The following VPS35 variants were observed in gnomAD, a reference collection of about 807,000 sequenced individuals.
VPS35 encodes the protein vacuolar protein sorting-associated protein 35.
Under a neutral mutation model 98.1 loss-of-function variants are expected in VPS35, and 21 were observed. The observed-to-expected ratio is 0.21, with a 90% CI of 0.15 to 0.31. The LOEUF is 0.31. VPS35 is among the 10% of genes least tolerant of loss of function. VPS35 has a pLI of 1.00. For synonymous variants in VPS35, 268 were observed against 318.2 expected (o/e 0.84, Z 1.68); for missense variants, 554 against 950.8 (o/e 0.58, Z 5.49).
chr16:46,685,840 A>AT (rs1314970882), intron 1 of VPS35, among the ~76,000 whole-genome samples: 2 of 152,054 alleles, frequency 1.3e-5, no homozygotes, highest in Non-Finnish European at 2.9e-5. Flanking sequence ...ATACATCTGA[A>AT]TTTTTTTTAT....
intron 13 of VPS35, among the ~76,000 whole-genome samples, chr16:46,665,955 G>A (rs916229356): frequency 6.6e-6 from 1 of 151,880 alleles, no homozygotes; most frequent in Non-Finnish European, 1.5e-5. Flanking sequence ...CCAGGCTGGA[G>A]TGCAGTGGCG....
intron 8 of VPS35, 104 bp from the exon 9 acceptor site, chr16:46,674,764 A>T (rs1199899214): frequency 1.8e-6 from 2 of 1,102,382 alleles, no homozygotes; most frequent in African/African-American, 3.2e-5. Context: ...ATTTTGTATG[A>T]GCCCAAAAGG....
intron 1 of VPS35, among the ~76,000 whole-genome samples, chr16:46,685,357 C>G (rs1286715816): frequency 6.6e-6 from 1 of 152,122 alleles, no homozygotes; most frequent in Admixed American, 6.5e-5. Context: ...ACATAAAACC[C>G]ACTTCTGAAC....
chr16:46,662,621 A>G lies in VPS35; in HGVS notation c.1828-139T>C, dbSNP rs1216680862. On this transcript the variant is annotated intron_variant, in intron 14 of 16. Coordinates refer to ENST00000299138, the MANE Select transcript of VPS35 (RefSeq NM_018206.6). ...TCAGAACATGCTGCACCCTCTCTTG[A>G]GAGCCACAGGACACAACTGAGATGG... 5.9e-6 allele frequency: 8 copies of G among 1,363,386 alleles called. No homozygotes were observed. The East Asian group carries it at 1.8e-4, about 31-fold the overall frequency. The allele number at this position is 1,363,386 out of a possible 1,614,324, so 84.5% of individuals were successfully genotyped here. A position where few individuals can be genotyped will look rare whatever the true frequency, so the allele number is the denominator to read the frequency against.
chr16:46,687,816 T>C (rs181203724), intron 1 of VPS35, among the ~76,000 whole-genome samples: 12 of 152,238 alleles, frequency 7.9e-5, no homozygotes, highest in Admixed American at 2.0e-4. Flanking sequence ...GCCTAAATTA[T>C]AGACAGTGAC....
rs138933318 is a variant in VPS35, at chr16:46,670,585, G to A, written c.1524+1120C>T. Among the ~76,000 whole-genome samples the A allele has an allele frequency of 2.9e-3, 439 of 152,072 alleles. 2 individuals are homozygous for A. The highest frequency in any genetic ancestry group is 9.9e-3 in the African/African-American group (411 of 41,510). ...TAGATGCGAGCCACCATGCCCCGCC[G>A]GAAGGAATAGTTTCTAACTACTATA... is the stretch of plus-strand genomic sequence containing the variant. On this transcript the variant is annotated intron_variant, in intron 12 of 16. Coordinates refer to ENST00000299138, the MANE Select transcript of VPS35 (RefSeq NM_018206.6).
chr16:46,670,736 C>A (rs1198383221), intron 12 of VPS35, among the ~76,000 whole-genome samples: 3 of 152,168 alleles, frequency 2.0e-5, no homozygotes, highest in African/African-American at 7.2e-5. Context: ...GAGCACAATA[C>A]CACAGTCCTG....
intron 13 of VPS35, among the ~76,000 whole-genome samples, chr16:46,664,174 A>G (rs1461442155): frequency 6.6e-6 from 1 of 151,938 alleles, no homozygotes; most frequent in Non-Finnish European, 1.5e-5. Flanking sequence ...ATGTAACTGT[A>G]ATATAACTGG....
intron 2 of VPS35, 98 bp from the exon 3 acceptor site, chr16:46,682,273 T>A: frequency 1.1e-6 from 1 of 922,738 alleles, no homozygotes; most frequent in South Asian, 1.4e-5. Context: ...GTTACATAGT[T>A]TTAAAAGAAT....
rs766068727 is a variant in VPS35 at position 46,676,732 on chromosome 16, G to A, written c.805-40C>T. 4.3e-5 allele frequency: 60 copies of A among 1,401,288 alleles called. 1 individual carries two copies. Among genetic ancestry groups the A allele is most frequent in the Middle Eastern group, 3.5e-4 (2 of 5,714 alleles). 86.8% of individuals were successfully genotyped at this position (1,401,288 alleles called of 1,614,324 possible). On this transcript the variant is annotated intron_variant, in intron 7 of 16. Transcript: ENST00000299138. ...ATCAATACAAATAAAAGTATTTCACGTAATATTCTGGACTCACATATGGTA... is the reference window on the plus strand; with the variant it reads ...ATCAATACAAATAAAAGTATTTCACATAATATTCTGGACTCACATATGGTA...
At chr16:46,674,244 A>G (rs2143007709) in intron 10 of VPS35, 70 bp downstream of exon 10, 2 of 1,551,854 alleles carry the variant, frequency 1.3e-6, no homozygotes, top group East Asian at 4.5e-5. Context: ...TCAAAAAACA[A>G]TTGAGAAAGA....
chr16:46,668,272 G>T (rs1269283454), intron 13 of VPS35, among the ~76,000 whole-genome samples: 1 of 152,172 alleles, frequency 6.6e-6, no homozygotes. Context: ...GTGCACACCT[G>T]TAATCCCAGC....
intron 13 of VPS35, among the ~76,000 whole-genome samples, chr16:46,666,347 C>T (rs960884247): frequency 7.9e-5 from 12 of 151,580 alleles, no homozygotes; most frequent in Non-Finnish European, 1.8e-4. Flanking sequence ...CGGCTCACCA[C>T]AACCTCTGCG....
intron 6 of VPS35, 108 bp downstream of exon 6, chr16:46,678,835 T>C: frequency 8.7e-7 from 1 of 1,150,500 alleles, no homozygotes; most frequent in Non-Finnish European, 1.2e-6. Flanking sequence ...TAACAGCCAT[T>C]TTAAGATGTT....
rs539664511 is a variant in VPS35 at position 46,661,674 on chromosome 16, G to A, written c.2211+44C>T. 3.9e-6 allele frequency: 6 copies of A among 1,545,798 alleles called. No individual in the cohort carries two copies. In the Admixed American group the frequency reaches 6.7e-5, roughly 17 times the overall value. ...ATATCAAATCTCCTAAGAGTAGGAAGGGAAAATATTAGTTTATTAACAACA... is the reference window on the plus strand; with the variant it reads ...ATATCAAATCTCCTAAGAGTAGGAAAGGAAAATATTAGTTTATTAACAACA... On this transcript the variant is annotated intron_variant, in intron 16 of 16. Transcript: ENST00000299138. The surrounding 1 kb of genome is among the most constrained non-coding windows in gnomAD (Gnocchi z 4.3).
intron 1 of VPS35, among the ~76,000 whole-genome samples, chr16:46,686,101 CT>C (rs1966308605): frequency 6.6e-6 from 1 of 152,112 alleles, no homozygotes; most frequent in Admixed American, 6.5e-5. Flanking sequence ...AGTTTGACTA[CT>C]CTATATACTT....
chr16:46,677,302 T>C lies in VPS35; in HGVS notation c.804+13A>G, dbSNP rs1389987905. The C allele has an allele frequency of 2.7e-5, 44 of 1,610,074 alleles. No individual in the cohort carries two copies. The highest frequency in any genetic ancestry group is 3.3e-5 in the Non-Finnish European group (39 of 1,176,794). ...ATAGGTCGTTTAAAAAAAAATGAAA[T>C]GTTCCCAGCTACCTGAATAATACAC... On this transcript the variant is annotated intron_variant, in intron 7 of 16. Transcript: ENST00000299138.
chr16:46,689,081 G>A (rs765926512), intron 1 of VPS35, 50 bp downstream of exon 1: 3 of 1,597,682 alleles, frequency 1.9e-6, no homozygotes, highest in Non-Finnish European at 2.6e-6. Context: ...GGAGAGAGCA[G>A]GGGCTACAAG....
intron 12 of VPS35, among the ~76,000 whole-genome samples, chr16:46,671,155 A>T (rs1032122661): frequency 1.3e-5 from 2 of 152,176 alleles, no homozygotes; most frequent in African/African-American, 4.8e-5. Context: ...AAAAGGCAAA[A>T]TGAATTTTTA....
Sources: allele counts gnomAD v4.1 joint callset (sites outside exome capture counted in the v4.1 genomes callset), GRCh38; gene constraint gnomAD v4.1.1; non-coding constraint Gnocchi (gnomAD v3.1); transcripts MANE v1.5; gene names NCBI Gene and HGNC (gene_info 2026-07-23, HGNC 2026-07-21).